CYRIB: variants seen among roughly 807,000 people sequenced by gnomAD.
CYRIB encodes CYFIP-related Rac1 interactor B.
CYRIB carries 8 observed loss-of-function variants against 44.2 expected under a neutral mutation model. That is an observed-to-expected ratio of 0.18 (90% CI 0.11 to 0.33). CYRIB has a LOEUF of 0.33. Ranked by LOEUF, CYRIB falls within the 10% of genes least tolerant of loss-of-function variation. The pLI is 1.00. For synonymous variants in CYRIB, 131 were observed against 127.2 expected, an observed-to-expected ratio of 1.03 and a Z score of -0.20; for missense variants, 185 against 382.8, an observed-to-expected ratio of 0.48 and a Z score of 4.31.
At chr8:130,004,901 G>A (rs2097008456) in intron 1 of CYRIB, among the ~76,000 whole-genome samples, 1 of 151,594 alleles carries the variant, frequency 6.6e-6, no homozygotes, top group Non-Finnish European at 1.5e-5. Flanking sequence ...CGAGTAGCTG[G>A]GATTACAGGC....
intron 1 of CYRIB, among the ~76,000 whole-genome samples, chr8:129,992,306 T>TAAA (rs2096659247): frequency 6.6e-6 from 1 of 151,944 alleles, no homozygotes; most frequent in African/African-American, 2.4e-5. Context: ...AAAATAAAAA[T>TAAA]AAAAAATAAA....
chr8:129,869,056 TAAA>T (rs35946610), intron 4 of CYRIB, among the ~76,000 whole-genome samples: 3 of 119,032 alleles, frequency 2.5e-5, no homozygotes, highest in East Asian at 2.3e-4. Context: ...GTTCTATATT[TAAA>T]AAAAAAAAAA....
chr8:129,841,381 T>A (rs2036239260), exon 12 of CYRIB: 1 of 152,330 alleles, frequency 6.6e-6, no homozygotes, highest in Admixed American at 6.5e-5. Flanking sequence ...GAAGAAAAAA[T>A]CATGTAATGT....
intron 2 of CYRIB, among the ~76,000 whole-genome samples, chr8:129,965,082 G>A (rs1175160171): frequency 2.0e-5 from 3 of 152,156 alleles, no homozygotes; most frequent in African/African-American, 7.2e-5. Flanking sequence ...CTCAATAAAT[G>A]TTGGTTTCCC....
intron 5 of CYRIB, among the ~76,000 whole-genome samples, chr8:129,861,399 A>G (rs1053808878): frequency 1.3e-5 from 2 of 152,112 alleles, no homozygotes; most frequent in African/African-American, 4.8e-5. Context: ...TTTTGCTTTA[A>G]TAACTCCCTA....
chr8:129,928,122 CAA>C (rs763086113), intron 1 of CYRIB, among the ~76,000 whole-genome samples: 31 of 133,714 alleles, frequency 2.3e-4, no homozygotes, highest in Admixed American at 3.8e-4. Context: ...TTCTTAACAG[CAA>C]AAAAAAAAAA....
rs908611977 is a variant in CYRIB at position 129,879,604 on chromosome 8, G to A, written c.-10-133C>T. ...ATTCATTCTTCAGGTTACCCAGACT[G>A]TGCTCTGGCAGACAGCAAAACGGGT... On this transcript the variant is annotated intron_variant, in intron 2 of 11. Transcript: ENST00000519824. 1.6e-5 allele frequency: 11 copies of A among 670,526 alleles called. No homozygotes were observed. The East Asian group carries it at 2.0e-4, about 12-fold the overall frequency. 41.5% of individuals were successfully genotyped at this position (670,526 alleles called of 1,614,324 possible). A position where few individuals can be genotyped will look rare whatever the true frequency, so the allele number is the denominator to read the frequency against.
intron 1 of CYRIB, among the ~76,000 whole-genome samples, chr8:129,990,176 G>A (rs531443968): frequency 2.0e-5 from 3 of 152,158 alleles, no homozygotes; most frequent in Non-Finnish European, 2.9e-5. Flanking sequence ...AGCACAGTGT[G>A]GGCACCAAGT....
intron 1 of CYRIB, among the ~76,000 whole-genome samples, chr8:129,991,969 AAAAC>A (rs2096647321): frequency 7.6e-6 from 1 of 131,982 alleles, no homozygotes; most frequent in Non-Finnish European, 1.7e-5. Context: ...AAAAAAAAAA[AAAAC>A]AATAGGAAGC....
intron 1 of CYRIB, among the ~76,000 whole-genome samples, chr8:129,996,500 G>A (rs187816485): frequency 6.3e-4 from 96 of 152,324 alleles, no homozygotes; most frequent in African/African-American, 2.1e-3. Flanking sequence ...CAGAGGGGCC[G>A]TGGGGAAACA....
chr8:129,985,272 G>C (rs1307318687), intron 1 of CYRIB, among the ~76,000 whole-genome samples: 1 of 152,216 alleles, frequency 6.6e-6, no homozygotes. Flanking sequence ...CACCACAGCG[G>C]CTGGCAGCAA....
chr8:129,917,598 C>T (rs2081392209), intron 1 of CYRIB, among the ~76,000 whole-genome samples: 1 of 152,146 alleles, frequency 6.6e-6, no homozygotes, highest in Admixed American at 6.6e-5. Flanking sequence ...TGGCTCAAGG[C>T]CTGTAATCCC....
intron 2 of CYRIB, among the ~76,000 whole-genome samples, chr8:129,888,497 G>A (rs1452808546): frequency 6.6e-6 from 1 of 152,142 alleles, no homozygotes; most frequent in Non-Finnish European, 1.5e-5. Flanking sequence ...CTGCACACAT[G>A]CGCATCTAAC....
chr8:129,841,110 T>C (rs1317928413), exon 12 of CYRIB: 1 of 152,146 alleles, frequency 6.6e-6, no homozygotes, highest in African/African-American at 2.4e-5. Flanking sequence ...GGGAAGTCCC[T>C]CTTATAATCA....
At chr8:129,905,141 C>T (rs1369107116) in intron 1 of CYRIB, among the ~76,000 whole-genome samples, 4 of 152,142 alleles carry the variant, frequency 2.6e-5, no homozygotes, top group Admixed American at 2.6e-4. Flanking sequence ...ACGTTGTCTA[C>T]AATTTATTTT....
intron 3 of CYRIB, among the ~76,000 whole-genome samples, chr8:129,874,054 A>C (rs959849027): frequency 6.6e-6 from 1 of 152,074 alleles, no homozygotes; most frequent in Non-Finnish European, 1.5e-5. Context: ...AAGCTGTATA[A>C]AACAAAGCTT....
chr8:129,916,757 T>C (rs908446946), intron 1 of CYRIB, among the ~76,000 whole-genome samples: 6 of 152,232 alleles, frequency 3.9e-5, no homozygotes, highest in African/African-American at 1.2e-4. Context: ...CAGATGTTAG[T>C]TGTATAACTG....
chr8:129,869,887 C>CA (rs1348712231), intron 4 of CYRIB, among the ~76,000 whole-genome samples: 1 of 150,400 alleles, frequency 6.6e-6, no homozygotes, highest in Non-Finnish European at 1.5e-5. Flanking sequence ...TGTTTTACCT[C>CA]CCCCCCGCCC....
intron 1 of CYRIB, among the ~76,000 whole-genome samples, chr8:130,000,161 T>G (rs1374188042): frequency 2.6e-5 from 4 of 152,134 alleles, no homozygotes; most frequent in African/African-American, 9.7e-5. Flanking sequence ...CCTGACTTAC[T>G]TATCACTTCC....
Sources: allele counts gnomAD v4.1 joint callset (sites outside exome capture counted in the v4.1 genomes callset), GRCh38; gene constraint gnomAD v4.1.1; transcripts MANE v1.5; gene names NCBI Gene and HGNC (gene_info 2026-07-23, HGNC 2026-07-21).